Variants in ARHGAP24 observed in about 807,000 individuals in gnomAD.
ARHGAP24 encodes Rho GTPase activating protein 24.
ARHGAP24 carries 50 observed loss-of-function variants against 76.4 expected under a neutral mutation model. The observed-to-expected ratio is 0.65, with a 90% CI of 0.52 to 0.83. The LOEUF (loss-of-function observed/expected upper bound fraction) is 0.83, where lower values mean the gene tolerates loss of function less well. ARHGAP24 is among the 40% of genes least tolerant of loss of function. The probability of loss-of-function intolerance (pLI) is 0.00; values close to 1 mark genes in which losing one functional copy is unlikely to be tolerated. For missense variants in ARHGAP24, 930 were observed against 914.2 expected (o/e 1.02, Z -0.22); for synonymous variants, 345 against 323.3 (o/e 1.07, Z -0.72).
intron 3 of ARHGAP24, among the ~76,000 whole-genome samples, chr4:85,812,123 C>A (rs1410559153): frequency 6.6e-6 from 1 of 152,126 alleles, no homozygotes; most frequent in Non-Finnish European, 1.5e-5. Flanking sequence ...TTGCAGTGAG[C>A]TGAGATTGTG....
rs1737988288 is a variant in ARHGAP24, at chr4:85,957,560, T to TAAGTTATTTGAAGTCAA, written c.600-14475_600-14459dup. The stretch of plus-strand genomic sequence containing the variant: ...GAAATTTAGAAATTAGTATTTCTGT[T>TAAGTTATTTGAAGTCAA]AAGTTATTTGAAGTCAATATCCTGT... On this transcript the variant is annotated intron_variant, in intron 5 of 9. Coordinates refer to ENST00000395184, the MANE Select transcript of ARHGAP24 (RefSeq NM_001025616.3). Among the ~76,000 whole-genome samples, 5 of 152,344 alleles carry TAAGTTATTTGAAGTCAA rather than the reference T, an allele frequency of 3.3e-5. No homozygotes were observed. In the South Asian group the frequency reaches 1.0e-3, roughly 32 times the overall value.
intron 3 of ARHGAP24, among the ~76,000 whole-genome samples, chr4:85,908,758 G>A (rs1445601339): frequency 2.0e-5 from 3 of 151,940 alleles, no homozygotes; most frequent in African/African-American, 7.3e-5. Flanking sequence ...TCAAAATACA[G>A]AGCCAGGCAT....
intron 3 of ARHGAP24, among the ~76,000 whole-genome samples, chr4:85,780,059 T>C (rs534076298): frequency 6.6e-6 from 1 of 152,358 alleles, no homozygotes; most frequent in Non-Finnish European, 1.5e-5. Context: ...TTTCTCAGTA[T>C]TACTCATGGA....
intron 2 of ARHGAP24, among the ~76,000 whole-genome samples, chr4:85,712,153 C>T (rs1260842203): frequency 2.0e-5 from 3 of 152,140 alleles, no homozygotes; most frequent in Non-Finnish European, 2.9e-5. Flanking sequence ...TAATTGAACA[C>T]GGTTTCTTGC....
intron 2 of ARHGAP24, among the ~76,000 whole-genome samples, chr4:85,676,360 A>G (rs897475816): frequency 6.6e-6 from 1 of 152,182 alleles, no homozygotes; most frequent in Non-Finnish European, 1.5e-5. Flanking sequence ...CCAGGGACTC[A>G]GAGAGATCAT....
intron 4 of ARHGAP24, among the ~76,000 whole-genome samples, chr4:85,938,732 A>G (rs190749595): frequency 2.2e-4 from 33 of 152,260 alleles, no homozygotes; most frequent in African/African-American, 7.2e-4. Context: ...AAACTTTTTT[A>G]TATATTATAC....
chr4:85,852,923 G>A lies in ARHGAP24; in HGVS notation c.269-70725G>A, dbSNP rs1035365079. On this transcript the variant is annotated intron_variant, in intron 3 of 9. Transcript: ENST00000395184. ...GAGGTGTCTCCCTGTTAGGCTACAC[G>A]GGGGTCAGGGACCCACTTGAGGAGG... Among the ~76,000 whole-genome samples the A allele has an allele frequency of 2.0e-5, 3 of 152,310 alleles. No homozygotes were observed. In the East Asian group the frequency reaches 5.8e-4, roughly 29 times the overall value.
At chr4:85,576,026 A>C (rs1171936301) in intron 2 of ARHGAP24, among the ~76,000 whole-genome samples, 1 of 152,228 alleles carries the variant, frequency 6.6e-6, no homozygotes, top group East Asian at 1.9e-4. Flanking sequence ...TCAAGATGAC[A>C]CTATATTAGA....
chr4:85,565,152 G>C (rs373639464), intron 1 of ARHGAP24, among the ~76,000 whole-genome samples: 1 of 151,264 alleles, frequency 6.6e-6, no homozygotes, highest in East Asian at 2.0e-4. Context: ...ATATCCTGCC[G>C]CTTGACAAAC....
intron 3 of ARHGAP24, among the ~76,000 whole-genome samples, chr4:85,917,568 A>G (rs1026094101): frequency 3.4e-4 from 51 of 152,104 alleles, no homozygotes; most frequent in Admixed American, 1.0e-3. Context: ...ATCCTCTCCA[A>G]CATCTGTTGT....
intron 2 of ARHGAP24, among the ~76,000 whole-genome samples, chr4:85,656,679 G>C (rs1472569004): frequency 6.6e-6 from 1 of 151,994 alleles, no homozygotes; most frequent in Non-Finnish European, 1.5e-5. Context: ...TGTTGGCCAG[G>C]ATGGTCTCGA....
At chr4:85,980,324 A>G (rs1446138907) in intron 8 of ARHGAP24, among the ~76,000 whole-genome samples, 2 of 152,256 alleles carry the variant, frequency 1.3e-5, no homozygotes, top group African/African-American at 2.4e-5. Context: ...ATTAGTTACA[A>G]TTCAAAATTA....
At chr4:85,860,321 G>T (rs1560677733) in intron 3 of ARHGAP24, among the ~76,000 whole-genome samples, 2 of 152,098 alleles carry the variant, frequency 1.3e-5, no homozygotes, top group Non-Finnish European at 2.9e-5. Context: ...ATGAGTCAGA[G>T]AATACAATGA....
chr4:85,639,472 C>T (rs1382203325), intron 2 of ARHGAP24, among the ~76,000 whole-genome samples: 1 of 152,030 alleles, frequency 6.6e-6, no homozygotes, highest in Non-Finnish European at 1.5e-5. Flanking sequence ...TCTTTGTACC[C>T]TGTCCAGTGT....
At position 85,995,236 on chromosome 4, in the gene ARHGAP24, A is replaced by G; in HGVS notation, c.1582A>G (p.Arg528Gly). 1 of 1,614,060 alleles carries G rather than the reference A, an allele frequency of 6.2e-7. No homozygotes were observed. Among genetic ancestry groups the G allele is most frequent in the Non-Finnish European group, 8.5e-7 (1 of 1,180,026 alleles). The change falls in exon 9 of 10, where the codon AGA (arginine) becomes GGA (glycine). Residue 528 changes from arginine to glycine, a missense_variant. Coordinates refer to ENST00000395184, the MANE Select transcript of ARHGAP24 (RefSeq NM_001025616.3). The part of the protein sequence containing the change: ...EQAGELGQHN[R>G]LSTYDNVHQQ... ...AGCTGGAGAGTTAGGCCAGCACAAC[A>G]GACTGTCCACCTATGATAATGTCCA... is the stretch of plus-strand genomic sequence containing the variant.
At chr4:85,955,190 A>T (rs192137429) in intron 5 of ARHGAP24, among the ~76,000 whole-genome samples, 2 of 152,080 alleles carry the variant, frequency 1.3e-5, no homozygotes, top group Admixed American at 1.3e-4. Flanking sequence ...CCAAGTCCCT[A>T]TACATGACTA....
chr4:85,921,868 C>T lies in ARHGAP24; in HGVS notation c.269-1780C>T, dbSNP rs1036630384. Among the ~76,000 whole-genome samples the T allele has an allele frequency of 3.3e-5, 5 of 152,174 alleles. No homozygotes were observed. In the South Asian group the frequency reaches 6.2e-4, roughly 19 times the overall value. On this transcript the variant is annotated intron_variant, in intron 3 of 9. Transcript: ENST00000395184. ...CCGCTCCTTATGATAGTTGAACTAA[C>T]GCCTGATGATCTAAGGTGGAACAGT... is the stretch of plus-strand genomic sequence containing the variant.
At chr4:85,673,182 G>A (rs1722867273) in intron 2 of ARHGAP24, among the ~76,000 whole-genome samples, 1 of 152,148 alleles carries the variant, frequency 6.6e-6, no homozygotes, top group Non-Finnish European at 1.5e-5. Flanking sequence ...TTTTGTTCAA[G>A]TGCACTTCCC....
chr4:85,785,251 C>T (rs1328485708), intron 3 of ARHGAP24, among the ~76,000 whole-genome samples: 1 of 152,120 alleles, frequency 6.6e-6, no homozygotes, highest in African/African-American at 2.4e-5. Context: ...CAAAAGAAAA[C>T]ATTTTGTTCT....
Sources: gnomAD v4.1 joint callset for allele counts (sites outside exome capture counted in the v4.1 genomes callset) on GRCh38, gnomAD v4.1.1 for gene constraint, MANE v1.5 for transcripts, NCBI Gene and HGNC (gene_info 2026-07-23, HGNC 2026-07-21) for gene names.